EVPL: variants seen among roughly 807,000 people sequenced by gnomAD.
EVPL encodes the protein envoplakin.
In EVPL, 94 loss-of-function variants were observed where a neutral mutation model predicts 129.7. The observed-to-expected ratio is 0.72, with a 90% CI of 0.61 to 0.86. The LOEUF (loss-of-function observed/expected upper bound fraction) is 0.86. Ranked by LOEUF, EVPL falls within the 40% of genes least tolerant of loss-of-function variation. The pLI is 0.00. For missense variants in EVPL, 2,625 were observed against 2,721.1 expected, an observed-to-expected ratio of 0.96 and a Z score of 0.79; for synonymous variants, 1,172 against 1,191.1, an observed-to-expected ratio of 0.98 and a Z score of 0.33.
chr17:76,007,210 G>A lies in EVPL; in HGVS notation c.5995C>T (p.Arg1999Cys), dbSNP rs534050621. The change falls in exon 22 of 22, where the codon CGC (arginine) becomes TGC (cysteine). Residue 1999 changes from arginine to cysteine, a missense_variant. Around this residue, in one of 4 missense-constraint regions of EVPL, gnomAD observed 1,453 missense variants for 1,511.8 expected, o/e 0.96. Transcript: ENST00000301607. This position sits in a 1 kb window ranked among gnomAD's most constrained non-coding sequence, Gnocchi z 8.8. ...CCGCTCAGGGGGTCTTTGCGGCAGC[G>A]GCCCATGGCCTCCTTGTAGCTCAGC... The part of the protein sequence containing the change: ...ERLSYKEAMG[R>C]CRKDPLSGLL... The A allele has an allele frequency of 2.5e-5, 38 of 1,548,706 alleles. No homozygotes were observed. Among genetic ancestry groups the A allele is most frequent in the South Asian group, 8.4e-5 (7 of 82,994 alleles).
chr17:76,018,418 G>C (rs1049351561), intron 12 of EVPL, 28 bp downstream of exon 12: 81 of 1,598,978 alleles, frequency 5.1e-5, no homozygotes, highest in Non-Finnish European at 6.5e-5. Context: ...CCCACAGCCT[G>C]CCCCTGAGTA....
At position 76,023,636 on chromosome 17, in the gene EVPL, G is replaced by A; in HGVS notation, c.217C>T (p.Gln73Ter). The A allele has an allele frequency of 1.9e-6, 3 of 1,591,332 alleles. No individual in the cohort carries two copies. The highest frequency in any genetic ancestry group is 2.6e-6 in the Non-Finnish European group (3 of 1,169,610). The change falls in exon 3 of 22, where the codon CAG becomes TAG. Residue 73 changes from glutamine to a stop codon, truncating the protein, a stop_gained. Coordinates refer to ENST00000301607, the MANE Select transcript of EVPL (RefSeq NM_001988.4). LOFTEE classifies it high-confidence loss of function. The stretch of plus-strand genomic sequence containing the variant: ...TGCTGGTGCTGCAGGGCCTGGCTCT[G>A]CTCACTGTTCAGCCGGTCCTGTGGG... ...RLQQDRLNSE[Q>*]SQALQHQQET...
rs1733975282 is a variant in EVPL, at chr17:76,021,689, C to T, written c.900G>A (p.Ala300=). 1.2e-6 allele frequency: 2 copies of T among 1,609,496 alleles called. No individual in the cohort carries two copies. The highest frequency in any genetic ancestry group is 2.2e-5 in the East Asian group (1 of 44,724). The change falls in exon 8 of 22, where the codon GCG becomes GCA. Residue 300 remains alanine (A), a synonymous_variant. Coordinates refer to ENST00000301607, the MANE Select transcript of EVPL (RefSeq NM_001988.4). ...GERMVELRHP[A]VGPIQAHQEA... ...CCCAGCGCACCTGGATGGGCCCCAC[C>T]GCGGGGTGCCGCAGCTCCACCATGC...
In EVPL at chr17:76,022,051, G is replaced by T. The variant is rs1252075197; in HGVS notation, c.646-23C>A. On this transcript the variant is annotated intron_variant, in intron 6 of 21. Coordinates refer to ENST00000301607, the MANE Select transcript of EVPL (RefSeq NM_001988.4). This position sits in a 1 kb window ranked among gnomAD's most constrained non-coding sequence, Gnocchi z 5.6. ...CTTCTGTGCTCAGGACCCGCCGCCA[G>T]CAGCAGGGTGGGGAGACAGAAAGTG... 2.6e-6 allele frequency: 4 copies of T among 1,553,372 alleles called. No individual in the cohort carries two copies. Among genetic ancestry groups the T allele is most frequent in the Non-Finnish European group, 3.5e-6 (4 of 1,155,928 alleles).
In EVPL at chr17:76,024,151, G is replaced by T. The variant is rs200331397; in HGVS notation, c.99-31C>A. The T allele has an allele frequency of 6.3e-7, 1 of 1,599,232 alleles. No homozygotes were observed. Among genetic ancestry groups the T allele is most frequent in the East Asian group, 2.3e-5 (1 of 44,264 alleles). ...GTGTGGAGGGGACAGCGGGTAGCTC[G>T]GTGGAAGAGGCCCCTCTGTGCCCCA... On this transcript the variant is annotated intron_variant, in intron 1 of 21. Transcript: ENST00000301607. The surrounding 1 kb of genome is among the most constrained non-coding windows in gnomAD (Gnocchi z 4.5).
Position 76,010,051 on chromosome 17 carries a change from G to A in EVPL, c.3154C>T (p.Arg1052Trp), listed in dbSNP as rs745489565. ...AGCTCCTTCTTCAGCCCTTCCAGCC[G>A]GGCCGAGATGACGGCATCCTCCCCG... Reference protein sequence around the residue: ...LRGEDAVISARLEGLKKELLA... With the variant: ...LRGEDAVISAWLEGLKKELLA... Residue 1052 changes from arginine (R) to tryptophan (W), a missense_variant, in exon 22 of 22, where the codon CGG becomes TGG. Around this residue, in one of 4 missense-constraint regions of EVPL, gnomAD observed 1,453 missense variants for 1,511.8 expected, o/e 0.96. Coordinates refer to ENST00000301607, the MANE Select transcript of EVPL (RefSeq NM_001988.4). 28 of 1,612,838 alleles carry A rather than the reference G, an allele frequency of 1.7e-5. No individual in the cohort carries two copies. In the East Asian group the frequency reaches 1.8e-4, roughly 10 times the overall value.
At chr17:76,012,298 T>G in intron 18 of EVPL, 1 of 487,476 alleles carries the variant, frequency 2.1e-6, no homozygotes, top group Non-Finnish European at 3.5e-6. Context: ...CTTGGCAGAA[T>G]CCCTTTCTTT....
rs757543544 is a variant in EVPL, at chr17:76,011,657, A to G, written c.2580T>C (p.Leu860=). The G allele has an allele frequency of 1.5e-5, 24 of 1,614,048 alleles. No individual in the cohort carries two copies. Among genetic ancestry groups the G allele is most frequent in the Non-Finnish European group, 1.6e-5 (19 of 1,180,024 alleles). The part of the protein sequence containing the change: ...QESIQAQEKN[L]AKAYTEVAAA... ...CTGCAACCTCAGTATAGGCCTTTGC[A>G]AGGTTCTTCTCCTGGAGAAGGCAGA... is the stretch of plus-strand genomic sequence containing the variant. Residue 860 remains leucine, a synonymous_variant, in exon 21 of 22, where the codon CTT becomes CTC. Transcript: ENST00000301607.
chr17:76,018,338 G>A (rs1037972240), intron 12 of EVPL, 80 bp from the exon 13 acceptor site: 4 of 1,518,282 alleles, frequency 2.6e-6, no homozygotes, highest in Admixed American at 4.4e-5. Context: ...GCAGCTTCAG[G>A]TGAAGGCCAG....
Position 76,014,420 on chromosome 17 carries a change from C to A in EVPL, c.2373+6G>T, listed in dbSNP as rs2066400960. On this transcript the variant is annotated splice_donor_region_variant and intron_variant, in intron 18 of 21. Transcript: ENST00000301607. ...GCACAGGCAGCTGTCCCTGCCCCAGCCTCACCTTCTGCGCCTGCAGCTTGT... is the reference window on the plus strand; with the variant it reads ...GCACAGGCAGCTGTCCCTGCCCCAGACTCACCTTCTGCGCCTGCAGCTTGT... 1 of 1,607,044 alleles carries A rather than the reference C, an allele frequency of 6.2e-7. No homozygotes were observed. Among genetic ancestry groups the A allele is most frequent in the Non-Finnish European group, 8.5e-7 (1 of 1,177,450 alleles).
intron 18 of EVPL, among the ~76,000 whole-genome samples, chr17:76,012,742 C>CTTTTTT (rs56349197): frequency 4.3e-5 from 5 of 117,524 alleles, no homozygotes; most frequent in African/African-American, 6.6e-5. Flanking sequence ...TCTTTCTTTT[C>CTTTTTT]TTTTTTTTTT....
At chr17:76,018,336 A>T in intron 12 of EVPL, 78 bp from the exon 13 acceptor site, 1 of 1,515,818 alleles carries the variant, frequency 6.6e-7, no homozygotes, top group Non-Finnish European at 8.9e-7. Flanking sequence ...ACGCAGCTTC[A>T]GGTGAAGGCC....
Position 76,018,990 on chromosome 17 carries a change from G to A in EVPL, c.1208C>T (p.Ala403Val), listed in dbSNP as rs750596274. Residue 403 changes from alanine to valine, a missense_variant, in exon 11 of 22, where the codon GCC (alanine) becomes GTC (valine). Physicochemically the swap from Ala to Val is moderately conservative, Grantham distance 64 (BLOSUM62 0). This residue lies in a region of EVPL where 1,024 missense variants were observed against 997.5 expected (regional missense o/e 1.03). Coordinates refer to ENST00000301607, the MANE Select transcript of EVPL (RefSeq NM_001988.4). The stretch of plus-strand genomic sequence containing the variant: ...GGGGTTTCTTCGCTGTGGCAGAGGG[G>A]CCACATCCCGGCTTCGCCGCTGCAG... ...GDLQRRSRDV[A>V]PLPQRRNPPQ... 1.1e-5 allele frequency: 17 copies of A among 1,567,548 alleles called. No individual in the cohort carries two copies. Among genetic ancestry groups the A allele is most frequent in the South Asian group, 2.3e-5 (2 of 86,202 alleles).
Position 76,008,283 on chromosome 17 carries a change from AG to A in EVPL, c.4921del (p.Leu1641TrpfsTer26). The A allele has an allele frequency of 6.2e-7, 1 of 1,611,434 alleles. No individual in the cohort carries two copies. Among genetic ancestry groups the A allele is most frequent in the Non-Finnish European group, 8.5e-7 (1 of 1,179,944 alleles). On this transcript the variant is annotated frameshift_variant, in exon 22 of 22. Transcript: ENST00000301607. LOFTEE classifies it high-confidence loss of function. This position sits in a 1 kb window ranked among gnomAD's most constrained non-coding sequence, Gnocchi z 7.4. ...AAQRGQELSR[L>X]EAAILREKDQ... is the part of the protein sequence containing the mutation. Reference sequence around the variant, plus strand: ...CTTCTCGCGGAGGATGGCCGCCTCCAGCCGCGAGAGCTCCTGGCCCCGCTGG... The same window carrying A: ...CTTCTCGCGGAGGATGGCCGCCTCCACCGCGAGAGCTCCTGGCCCCGCTGG...
chr17:76,025,916 C>T (rs1036825268), intron 1 of EVPL, among the ~76,000 whole-genome samples: 1 of 152,216 alleles, frequency 6.6e-6, no homozygotes, highest in African/African-American at 2.4e-5. Context: ...GCCCCCTGCA[C>T]CACACCCACT....
In EVPL at chr17:76,017,700, G is replaced by A. The variant is rs771167370; in HGVS notation, c.1710+39C>T. 48 of 1,595,174 alleles carry A rather than the reference G, an allele frequency of 3.0e-5. 1 individual carries two copies. Among genetic ancestry groups the A allele is most frequent in the East Asian group, 1.3e-4 (6 of 44,702 alleles). ...CAAGTGTGAGCACCAGGGCCGGGCC[G>A]CTTCTCATCCCAGCCGCCCCTTCCC... On this transcript the variant is annotated intron_variant, in intron 14 of 21. Coordinates refer to ENST00000301607, the MANE Select transcript of EVPL (RefSeq NM_001988.4).
Position 76,009,156 on chromosome 17 carries a change from G to A in EVPL, c.4049C>T (p.Ala1350Val), listed in dbSNP as rs1371278005. The A allele has an allele frequency of 1.9e-6, 3 of 1,608,984 alleles. No individual in the cohort carries two copies. Among genetic ancestry groups the A allele is most frequent in the East Asian group, 2.2e-5 (1 of 44,850 alleles). The change falls in exon 22 of 22, where the codon GCG becomes GTG. Residue 1350 changes from alanine to valine, a missense_variant. Ala to Val is a moderately conservative substitution (Grantham distance 64, BLOSUM62 0). Coordinates refer to ENST00000301607, the MANE Select transcript of EVPL (RefSeq NM_001988.4). The surrounding 1 kb of genome is among the most constrained non-coding windows in gnomAD (Gnocchi z 5.9). Reference sequence around the variant, plus strand: ...GCGCTTGCTCTGCAGCTCGTACACCGCGTCCTCCGCGGCCCGCCTCTTCTG... The same window carrying A: ...GCGCTTGCTCTGCAGCTCGTACACCACGTCCTCCGCGGCCCGCCTCTTCTG... Reference protein sequence around the residue: ...AAQKRRAAEDAVYELQSKRLL... With the variant: ...AAQKRRAAEDVVYELQSKRLL...
At position 76,012,102 on chromosome 17, in the gene EVPL, A is replaced by G. The variant is rs1383685991; in HGVS notation, c.2374-13T>C. 2 of 1,604,826 alleles carry G rather than the reference A, an allele frequency of 1.2e-6. No individual in the cohort carries two copies. Among genetic ancestry groups the G allele is most frequent in the Non-Finnish European group, 1.7e-6 (2 of 1,176,822 alleles). On this transcript the variant is annotated splice_polypyrimidine_tract_variant and intron_variant, in intron 18 of 21. Transcript: ENST00000301607. ...CCTGCGTCAGCCTCTGCCAGGGAAG[A>G]ACCCAGAGTCAGGAGGCCAGGAAAT...
In EVPL at chr17:76,009,046, C is replaced by G. The variant is rs538347223; in HGVS notation, c.4159G>C (p.Glu1387Gln). 1.6e-5 allele frequency: 26 copies of G among 1,613,466 alleles called. No homozygotes were observed. The highest frequency in any genetic ancestry group is 1.3e-4 in the Admixed American group (8 of 60,004). The change falls in exon 22 of 22, where the codon GAG (glutamate) becomes CAG (glutamine). Residue 1387 changes from glutamate (E) to glutamine (Q), a missense_variant. By Grantham distance (29) the Glu-to-Gln change is conservative (BLOSUM62 2). This residue lies in a region of EVPL where 1,453 missense variants were observed against 1,511.8 expected (regional missense o/e 0.96). Transcript: ENST00000301607. The surrounding 1 kb of genome is among the most constrained non-coding windows in gnomAD (Gnocchi z 5.9). ...VTQKDPKLRE[E>Q]HSRLSGSLDE... ...AGGCTCCCGCTCAGCCGGCTGTGCTCCTCGCGCAGCTTCGGGTCCTTCTGG... is the reference window on the plus strand; with the variant it reads ...AGGCTCCCGCTCAGCCGGCTGTGCTGCTCGCGCAGCTTCGGGTCCTTCTGG...
Sources: allele counts gnomAD v4.1 joint callset (sites outside exome capture counted in the v4.1 genomes callset), GRCh38; gene constraint gnomAD v4.1.1; regional missense constraint gnomAD v4.1.1; non-coding constraint Gnocchi (gnomAD v3.1); transcripts MANE v1.5; gene names NCBI Gene and HGNC (gene_info 2026-07-23, HGNC 2026-07-21).